MYH13: variants seen among roughly 807,000 people sequenced by gnomAD.
MYH13 encodes myosin-13.
A neutral mutation model predicts 232.1 loss-of-function variants in MYH13; 177 were observed. The ratio of observed to expected loss-of-function variants is 0.76; its 90% CI spans 0.67 to 0.86. The LOEUF is 0.86. MYH13 is among the 40% of genes least tolerant of loss of function. MYH13 has a pLI of 0.00. For missense variants in MYH13, 2,246 were observed against 2,405.9 expected (o/e 0.93, Z 1.39); for synonymous variants, 884 against 923.5 (o/e 0.96, Z 0.78).
At position 10,309,786 on chromosome 17, in the gene MYH13, T is replaced by C. The variant is rs577589347; in HGVS notation, c.4701A>G (p.Leu1567=). The C allele has an allele frequency of 1.3e-5, 20 of 1,598,494 alleles. 1 individual carries two copies. The highest frequency in any genetic ancestry group is 1.6e-4 in the Middle Eastern group (1 of 6,076). The part of the protein sequence containing the change: ...HEESKILRVQ[L]ELSQVKSELD... ...GCTCGGATTTCACCTGGCTCAGCTC[T>C]AGCTGCACGCGCAAGATCTTGCTCT... Residue 1567 remains leucine (L), a synonymous_variant, in exon 34 of 41, where the codon CTA becomes CTG. Coordinates refer to ENST00000252172, the MANE Select transcript of MYH13 (RefSeq NM_003802.3).
chr17:10,305,631 A>G (rs1906251182), intron 37 of MYH13, among the ~76,000 whole-genome samples: 1 of 152,070 alleles, frequency 6.6e-6, no homozygotes, highest in African/African-American at 2.4e-5. Context: ...TCTCCCTGGG[A>G]CAAGAGACAT....
At chr17:10,359,615 A>T (rs1344167664) in intron 7 of MYH13, among the ~76,000 whole-genome samples, 1 of 152,210 alleles carries the variant, frequency 6.6e-6, no homozygotes, top group Non-Finnish European at 1.5e-5. Context: ...TTAGAAGTTC[A>T]GGAGGCCCGG....
Position 10,300,974 on chromosome 17 carries a change from GA to G in MYH13, c.5803-10del. ...CCTCATTCTTCCATCTTCTGTGGGAGAAAAAAATAATTGTACATAGGAAATG... is the reference window on the plus strand; with the variant it reads ...CCTCATTCTTCCATCTTCTGTGGGAGAAAAAATAATTGTACATAGGAAATG... On this transcript the variant is annotated splice_polypyrimidine_tract_variant and intron_variant, in intron 40 of 40. Coordinates refer to ENST00000252172, the MANE Select transcript of MYH13 (RefSeq NM_003802.3). The G allele has an allele frequency of 1.2e-5, 20 of 1,611,764 alleles. No homozygotes were observed. Among genetic ancestry groups the G allele is most frequent in the Non-Finnish European group, 1.7e-5 (20 of 1,178,736 alleles).
At position 10,318,811 on chromosome 17, in the gene MYH13, G is replaced by A. The variant is rs769682239; in HGVS notation, c.3717C>T (p.Ile1239=). The change falls in exon 27 of 41, where the codon ATC becomes ATT. Residue 1239 remains isoleucine (I), a synonymous_variant. Transcript: ENST00000252172. ...GTACCTTTGACTTGGAGAGAGCCTCGATGTTGCTGGCCATGTCGTCAATCT... is the reference window on the plus strand; with the variant it reads ...GTACCTTTGACTTGGAGAGAGCCTCAATGTTGCTGGCCATGTCGTCAATCT... The part of the protein sequence containing the change: ...KMEIDDMASN[I]EALSKSKSNI... 10 of 1,613,940 alleles carry A rather than the reference G, an allele frequency of 6.2e-6. No homozygotes were observed. In the South Asian group the frequency reaches 6.6e-5, roughly 11 times the overall value.
At chr17:10,333,293 A>AT in intron 18 of MYH13, 102 bp from the exon 19 acceptor site, 1 of 809,404 alleles carries the variant, frequency 1.2e-6, no homozygotes, top group Non-Finnish European at 2.0e-6. Flanking sequence ...CTTGAGTGGG[A>AT]GAGTCAGTGA....
At position 10,353,092 on chromosome 17, in the gene MYH13, C is replaced by T. The variant is rs940342062; in HGVS notation, c.1005+1588G>A. On this transcript the variant is annotated intron_variant, in intron 11 of 40. Transcript: ENST00000252172. ...CATATAACACAAATGCTTCATCACA[C>T]CACCTGCAGATAAGGCAAAGGCAGA... 7.2e-5 allele frequency among the ~76,000 whole-genome samples: 11 copies of T among 152,260 alleles called. No homozygotes were observed. In the East Asian group the frequency reaches 1.9e-3, roughly 27 times the overall value.
intron 32 of MYH13, 139 bp from the exon 33 acceptor site, chr17:10,311,366 G>T (rs888179693): frequency 3.9e-6 from 4 of 1,034,784 alleles, no homozygotes; most frequent in South Asian, 1.7e-5. Flanking sequence ...TTCAGATGAG[G>T]TGTTGGCAAG....
chr17:10,312,566 G>C lies in MYH13; in HGVS notation c.4365+8C>G. The C allele has an allele frequency of 6.2e-7, 1 of 1,609,862 alleles. No homozygotes were observed. The highest frequency in any genetic ancestry group is 8.5e-7 in the Non-Finnish European group (1 of 1,177,946). On this transcript the variant is annotated splice_region_variant and intron_variant, in intron 31 of 40. Coordinates refer to ENST00000252172, the MANE Select transcript of MYH13 (RefSeq NM_003802.3). ...CCATCTTCACAAAGAAAGCGGCTGG[G>C]GAAGGACCTTGTCGAAGTTCCTCTG... is the stretch of plus-strand genomic sequence containing the variant.
chr17:10,327,821 T>C (rs746384582), intron 22 of MYH13, 45 bp downstream of exon 22: 44 of 1,586,292 alleles, frequency 2.8e-5, no homozygotes, highest in Admixed American at 9.8e-5. Context: ...CCCTTTTCTG[T>C]CCTCCAGAGT....
rs760378346 is a variant in MYH13 at position 10,309,286 on chromosome 17, G to C, written c.5117C>G (p.Ser1706Ter). 1 of 1,613,860 alleles carries C rather than the reference G, an allele frequency of 6.2e-7. No homozygotes were observed. Among genetic ancestry groups the C allele is most frequent in the Non-Finnish European group, 8.5e-7 (1 of 1,179,854 alleles). ...GCTGGCGTCCAGCAGCTCCTGCTCT[G>C]ACAGCCTGCGGGTCCGCTCCGTCTG... Reference protein sequence around the residue: ...LEQTERTRRLSEQELLDASDR... With the variant: ...LEQTERTRRL Residue 1706 changes from serine to a stop codon, truncating the protein, a stop_gained, in exon 35 of 41, where the codon TCA becomes TGA. Transcript: ENST00000252172. LOFTEE classifies it high-confidence loss of function.
At chr17:10,356,213 C>A (rs2071748230) in intron 8 of MYH13, among the ~76,000 whole-genome samples, 1 of 152,140 alleles carries the variant, frequency 6.6e-6, no homozygotes, top group South Asian at 2.1e-4. Flanking sequence ...TCTGAATGAA[C>A]CCCAGGAAAA....
chr17:10,327,314 T>TA (rs1189133506), intron 22 of MYH13, among the ~76,000 whole-genome samples: 3 of 151,538 alleles, frequency 2.0e-5, no homozygotes, highest in Admixed American at 1.3e-4. Context: ...TGCTAGTTTT[T>TA]AAAAATTTTT....
At chr17:10,307,549 T>C (rs1339287183) in intron 35 of MYH13, among the ~76,000 whole-genome samples, 1 of 151,674 alleles carries the variant, frequency 6.6e-6, no homozygotes, top group African/African-American at 2.4e-5. Context: ...ATGGGTAAAA[T>C]ACTAGAAGAA....
Position 10,324,094 on chromosome 17 carries a change from G to A in MYH13, c.2862C>T (p.Leu954=). ...KRNLEDKCSS[L]KRDIDDLELT... ...GCTCCAGGTCATCAATGTCTCTCTT[G>A]AGAGAGGAGCATTTATCTTCCAGAT... is the stretch of plus-strand genomic sequence containing the variant. The change falls in exon 23 of 41, where the codon CTC becomes CTT. Residue 954 remains leucine, a synonymous_variant. Transcript: ENST00000252172. The A allele has an allele frequency of 1.2e-6, 2 of 1,613,936 alleles. No homozygotes were observed. The highest frequency in any genetic ancestry group is 1.1e-5 in the South Asian group (1 of 91,076).
intron 22 of MYH13, among the ~76,000 whole-genome samples, chr17:10,326,767 G>A (rs1033031878): frequency 6.7e-6 from 1 of 149,434 alleles, no homozygotes. Flanking sequence ...GTGAGCCACC[G>A]CGTCCAGCCT....
chr17:10,321,626 G>GC lies in MYH13; in HGVS notation c.3016dup (p.Ala1006GlyfsTer8). ...AAGATCATCCAGTGTTTGCTGATGG[G>GC]CCTCCTGTAGAGATTTCTTTTCTTT... On this transcript the variant is annotated frameshift_variant, in exon 24 of 41. Coordinates refer to ENST00000252172, the MANE Select transcript of MYH13 (RefSeq NM_003802.3). LOFTEE classifies it high-confidence loss of function. 1 of 1,613,306 alleles carries GC rather than the reference G, an allele frequency of 6.2e-7. No individual in the cohort carries two copies. Among genetic ancestry groups the GC allele is most frequent in the East Asian group, 2.2e-5 (1 of 44,882 alleles).
At chr17:10,345,991 C>CAATAA in intron 13 of MYH13, among the ~76,000 whole-genome samples, 1 of 83,084 alleles carries the variant, frequency 1.2e-5, no homozygotes. Flanking sequence ...GACTCTGTCT[C>CAATAA]AAAAAAAAAA....
Position 10,309,384 on chromosome 17 carries a change from C to T in MYH13, c.5019G>A (p.Glu1673=). The change falls in exon 35 of 41, where the codon GAG becomes GAA. Residue 1673 remains glutamate (E), a synonymous_variant. Coordinates refer to ENST00000252172, the MANE Select transcript of MYH13 (RefSeq NM_003802.3). The part of the protein sequence containing the change: ...DALRSNEDLK[E]QLAIVERRNG... ...TCCTGCGCTCCACGATGGCCAGCTG[C>T]TCCTTGAGGTCCTCATTGCTCCTCA... The T allele has an allele frequency of 1.1e-5, 17 of 1,611,786 alleles. No individual in the cohort carries two copies. Among genetic ancestry groups the T allele is most frequent in the Middle Eastern group, 1.7e-4 (1 of 6,060 alleles).
chr17:10,306,266 GTGTT>G lies in MYH13; in HGVS notation c.5466+189_5466+192del, dbSNP rs1555548256. Among the ~76,000 whole-genome samples, 2 of 143,228 alleles carry G rather than the reference GTGTT, an allele frequency of 1.4e-5. No individual in the cohort carries two copies. The highest frequency in any genetic ancestry group is 5.2e-5 in the African/African-American group (2 of 38,240). The allele number at this position is 143,228 out of a possible 152,430, so 94.0% of individuals were successfully genotyped here. A position where few individuals can be genotyped will look rare whatever the true frequency, so the allele number is the denominator to read the frequency against. Reference sequence around the variant, plus strand: ...TGTGTGTGTGTGTGTGTGTGTGTGTGTGTTTTGGGGCATAGGAACAGGTGAAACA... The same window carrying G: ...TGTGTGTGTGTGTGTGTGTGTGTGTGTTGGGGCATAGGAACAGGTGAAACA... On this transcript the variant is annotated intron_variant, in intron 37 of 40. Transcript: ENST00000252172. This position sits in a 1 kb window ranked among gnomAD's most constrained non-coding sequence, Gnocchi z 4.3.
Sources: gnomAD v4.1 joint callset for allele counts (sites outside exome capture counted in the v4.1 genomes callset) on GRCh38, gnomAD v4.1.1 for gene constraint, Gnocchi (gnomAD v3.1) non-coding constraint, MANE v1.5 for transcripts, NCBI Gene and HGNC (gene_info 2026-07-23, HGNC 2026-07-21) for gene names.